Variants in LEF1 observed in about 807,000 individuals in gnomAD.
LEF1 encodes lymphoid enhancer binding factor 1.
A neutral mutation model predicts 51.2 loss-of-function variants in LEF1; 14 were observed. The ratio of observed to expected loss-of-function variants is 0.27; its 90% CI spans 0.18 to 0.43. The LOEUF is 0.43. LEF1 is among the 20% of genes least tolerant of loss of function. The probability of loss-of-function intolerance (pLI) is 1.00; values close to 1 mark genes in which losing one functional copy is unlikely to be tolerated. For synonymous variants in LEF1, 185 were observed against 183.2 expected (o/e 1.01, Z -0.08); for missense variants, 386 against 512.0 (o/e 0.75, Z 2.37).
intron 8 of LEF1, chr4:108,071,642 T>C (rs567644111): frequency 3.4e-4 from 52 of 152,322 alleles, no homozygotes; most frequent in African/African-American, 1.2e-3. Context: ...TTTGCATACA[T>C]CTGCACATGA....
chr4:108,079,797 GA>G (rs560790513), intron 6 of LEF1, among the ~76,000 whole-genome samples, 183 bp from the exon 7 acceptor site: 133 of 146,544 alleles, frequency 9.1e-4, no homozygotes, highest in South Asian at 3.2e-3. Context: ...TATTCGGGTG[GA>G]AAAAAAAAAG....
intron 4 of LEF1, among the ~76,000 whole-genome samples, chr4:108,088,414 A>G (rs1739787178): frequency 6.6e-6 from 1 of 152,178 alleles, no homozygotes; most frequent in Admixed American, 6.5e-5. Flanking sequence ...CTGAGAGCAA[A>G]TCCATCCTTG....
chr4:108,083,382 A>G lies in LEF1; in HGVS notation c.612T>C (p.Val204=). 1 of 1,613,652 alleles carries G rather than the reference A, an allele frequency of 6.2e-7. No individual in the cohort carries two copies. The highest frequency in any genetic ancestry group is 8.5e-7 in the Non-Finnish European group (1 of 1,179,554). Residue 204 remains valine, a synonymous_variant, in exon 5 of 12, where the codon GTT becomes GTC. Coordinates refer to ENST00000265165, the MANE Select transcript of LEF1 (RefSeq NM_016269.5). ...PTFYPLSPGG[V]GQITPPLGWQ... ...AGCCAAGAGGTGGGGTGATCTGTCCAACACCACCCGGAGACAAGGGATAAA... is the reference window on the plus strand; with the variant it reads ...AGCCAAGAGGTGGGGTGATCTGTCCGACACCACCCGGAGACAAGGGATAAA...
intron 3 of LEF1, among the ~76,000 whole-genome samples, chr4:108,107,103 G>C (rs1280522611): frequency 6.6e-6 from 1 of 152,092 alleles, no homozygotes. Context: ...TTGCTCGAAA[G>C]GAGTGAGCCT....
intron 1 of LEF1, 40 bp from the exon 2 acceptor site, chr4:108,165,203 A>C: frequency 6.3e-7 from 1 of 1,583,702 alleles, no homozygotes; most frequent in South Asian, 1.1e-5. Context: ...AAAGAAAATC[A>C]CCTTAGAGTT....
At chr4:108,165,513 G>T (rs1745331468) in intron 1 of LEF1, among the ~76,000 whole-genome samples, 1 of 152,146 alleles carries the variant, frequency 6.6e-6, no homozygotes, top group Non-Finnish European at 1.5e-5. Context: ...GGAGTTAATG[G>T]GGTTGATGGT....
At chr4:108,148,627 T>G (rs1744139586) in intron 3 of LEF1, among the ~76,000 whole-genome samples, 1 of 152,220 alleles carries the variant, frequency 6.6e-6, no homozygotes, top group African/African-American at 2.4e-5. Context: ...TTTATCATCA[T>G]GTATCCACAA....
Position 108,048,632 on chromosome 4 carries a change from T to C in LEF1, c.*126A>G, listed in dbSNP as rs200566393. The C allele has an allele frequency of 5.4e-5, 75 of 1,383,394 alleles. No homozygotes were observed. The African/African-American group carries it at 9.1e-4, about 17-fold the overall frequency. 85.7% of individuals were successfully genotyped at this position (1,383,394 alleles called of 1,614,324 possible). The stretch of plus-strand genomic sequence containing the variant: ...GGGTAAAATTGATGTCAGTGTTCCT[T>C]TGGGGTCGACTGGGCAGGCCGTGGA... On this transcript the variant is annotated 3_prime_UTR_variant, in exon 12 of 12. Coordinates refer to ENST00000265165, the MANE Select transcript of LEF1 (RefSeq NM_016269.5).
intron 11 of LEF1, among the ~76,000 whole-genome samples, chr4:108,049,019 G>C (rs1736803058): frequency 6.6e-6 from 1 of 152,004 alleles, no homozygotes; most frequent in Admixed American, 6.5e-5. Context: ...TCTGGGTCAT[G>C]GTAAACAGAA....
intron 8 of LEF1, chr4:108,072,176 G>A (rs1431216302): frequency 6.6e-6 from 1 of 150,636 alleles, no homozygotes; most frequent in Non-Finnish European, 1.5e-5. Flanking sequence ...TTTTTAAAAT[G>A]ATTTTTAAAT....
At chr4:108,149,558 G>A (rs1744229456) in intron 3 of LEF1, among the ~76,000 whole-genome samples, 1 of 149,620 alleles carries the variant, frequency 6.7e-6, no homozygotes, top group South Asian at 2.1e-4. Flanking sequence ...ATCCATAACT[G>A]AGGATAAATC....
chr4:108,110,120 G>T (rs1052509609), intron 3 of LEF1, among the ~76,000 whole-genome samples: 1 of 152,200 alleles, frequency 6.6e-6, no homozygotes, highest in Non-Finnish European at 1.5e-5. Flanking sequence ...AGATGCAGAA[G>T]AATGGCAGGT....
At chr4:108,059,240 G>A (rs893997615) in intron 11 of LEF1, among the ~76,000 whole-genome samples, 4 of 152,212 alleles carry the variant, frequency 2.6e-5, no homozygotes, top group African/African-American at 4.8e-5. Context: ...CAGCCTCTCC[G>A]CTGGGCTGCA....
At chr4:108,122,189 T>C (rs912233285) in intron 3 of LEF1, among the ~76,000 whole-genome samples, 4 of 152,204 alleles carry the variant, frequency 2.6e-5, no homozygotes, top group African/African-American at 9.6e-5. Flanking sequence ...TAACTACTGA[T>C]AGAGATAAGT....
At chr4:108,148,796 A>G (rs1280650585) in intron 3 of LEF1, among the ~76,000 whole-genome samples, 3 of 152,220 alleles carry the variant, frequency 2.0e-5, no homozygotes, top group Non-Finnish European at 2.9e-5. Context: ...AACTCCTATA[A>G]CAACATATAA....
intron 3 of LEF1, among the ~76,000 whole-genome samples, chr4:108,145,767 T>A (rs1362733148): frequency 6.6e-6 from 1 of 152,218 alleles, no homozygotes; most frequent in South Asian, 2.1e-4. Flanking sequence ...TCTATTCTTA[T>A]GAAATGTCTC....
At chr4:108,100,612 AC>A (rs1017391017) in intron 3 of LEF1, among the ~76,000 whole-genome samples, 8 of 152,262 alleles carry the variant, frequency 5.3e-5, no homozygotes, top group Non-Finnish European at 1.2e-4. Flanking sequence ...AATCTACATT[AC>A]CCTGAATTTA....
At chr4:108,138,323 T>C (rs1016090695) in intron 3 of LEF1, among the ~76,000 whole-genome samples, 1 of 152,248 alleles carries the variant, frequency 6.6e-6, no homozygotes, top group Non-Finnish European at 1.5e-5. Context: ...AAGTATGCTC[T>C]GTATTTGCAT....
intron 9 of LEF1, among the ~76,000 whole-genome samples, chr4:108,066,554 C>T (rs1738093002): frequency 6.6e-6 from 1 of 152,214 alleles, no homozygotes; most frequent in South Asian, 2.1e-4. Flanking sequence ...ATGTCTAGAA[C>T]ATAGCCAGCA....
Sources: gnomAD v4.1 joint callset for allele counts (sites outside exome capture counted in the v4.1 genomes callset) on GRCh38, gnomAD v4.1.1 for gene constraint, MANE v1.5 for transcripts, NCBI Gene and HGNC (gene_info 2026-07-23, HGNC 2026-07-21) for gene names.